CCSER1: variants seen among roughly 807,000 people sequenced by gnomAD.
The protein encoded by CCSER1 is coiled-coil serine rich protein 1.
CCSER1 carries 41 observed loss-of-function variants against 82.0 expected under a neutral mutation model. The observed-to-expected ratio is 0.50, with a 90% CI of 0.39 to 0.65. The LOEUF is 0.65. Ranked by LOEUF, CCSER1 falls within the 30% of genes least tolerant of loss-of-function variation. The pLI, the probability that CCSER1 is intolerant of heterozygous loss-of-function variation, is 0.00. For missense variants in CCSER1, 1,119 were observed against 1,064.2 expected (o/e 1.05, Z -0.72); for synonymous variants, 414 against 383.9 (o/e 1.08, Z -0.92).
intron 1 of CCSER1, among the ~76,000 whole-genome samples, chr4:90,287,636 T>G (rs1327114974): frequency 6.6e-6 from 1 of 151,942 alleles, no homozygotes; most frequent in Non-Finnish European, 1.5e-5. Flanking sequence ...CATTTAAAAA[T>G]AAACTAACAT....
At chr4:90,520,989 C>T (rs1773037093) in intron 5 of CCSER1, among the ~76,000 whole-genome samples, 2 of 152,150 alleles carry the variant, frequency 1.3e-5, no homozygotes, top group Admixed American at 1.3e-4. Flanking sequence ...GAATATGAAA[C>T]ATCCAAGCTA....
At chr4:90,682,404 G>T (rs897571549) in intron 6 of CCSER1, among the ~76,000 whole-genome samples, 2 of 151,880 alleles carry the variant, frequency 1.3e-5, no homozygotes, top group South Asian at 2.1e-4. Flanking sequence ...TCATGGCCTG[G>T]TGAATGCTTT....
At chr4:90,784,574 A>G (rs1754220142) in intron 7 of CCSER1, among the ~76,000 whole-genome samples, 1 of 152,134 alleles carries the variant, frequency 6.6e-6, no homozygotes, top group Admixed American at 6.5e-5. Context: ...GATTTAGAAA[A>G]AATTTACTTC....
chr4:90,446,649 A>C (rs1310775112), intron 4 of CCSER1, among the ~76,000 whole-genome samples: 1 of 152,184 alleles, frequency 6.6e-6, no homozygotes, highest in African/African-American at 2.4e-5. Context: ...GAAATCTCTT[A>C]AGGAAAAATA....
Position 90,308,829 on chromosome 4 carries a change from C to G in CCSER1, c.545C>G (p.Pro182Arg). 6.2e-7 allele frequency: 1 copy of G among 1,613,746 alleles called. No individual in the cohort carries two copies. Among genetic ancestry groups the G allele is most frequent in the Non-Finnish European group, 8.5e-7 (1 of 1,179,816 alleles). The part of the protein sequence containing the change: ...SVKQSTRKLL[P>R]KSFSSHYKFS... ...AAGCAGTCAACAAGGAAGCTACTCC[C>G]TAAATCTTTTTCATCTCACTATAAA... is the stretch of plus-strand genomic sequence containing the variant. Residue 182 changes from proline (P) to arginine (R), a missense_variant, in exon 2 of 11, where the codon CCT becomes CGT. Physicochemically the swap from Pro to Arg is moderately radical, Grantham distance 103. Transcript: ENST00000509176.
At chr4:91,071,638 T>C (rs1203636379) in intron 9 of CCSER1, among the ~76,000 whole-genome samples, 1 of 152,176 alleles carries the variant, frequency 6.6e-6, no homozygotes, top group Non-Finnish European at 1.5e-5. Context: ...TCTTTTTACC[T>C]ATTTGAGTGC....
chr4:91,562,619 T>G (rs1385357591), intron 10 of CCSER1, among the ~76,000 whole-genome samples: 1 of 151,584 alleles, frequency 6.6e-6, no homozygotes, highest in Non-Finnish European at 1.5e-5. Flanking sequence ...AGACTCTATA[T>G]GCTGATGGCC....
intron 1 of CCSER1, among the ~76,000 whole-genome samples, chr4:90,209,847 A>G (rs1739621520): frequency 6.6e-6 from 1 of 150,726 alleles, no homozygotes; most frequent in Non-Finnish European, 1.5e-5. Context: ...TTTATCAATC[A>G]TTGTTAAAGG....
intron 4 of CCSER1, among the ~76,000 whole-genome samples, chr4:90,406,312 C>A (rs780865276): frequency 9.2e-5 from 14 of 152,198 alleles, no homozygotes; most frequent in Non-Finnish European, 1.9e-4. Flanking sequence ...GAAAATATTG[C>A]AGTTCTAAAT....
rs111503746 is a variant in CCSER1 at position 90,819,994 on chromosome 4, A to G, written c.2094+4149A>G. Among the ~76,000 whole-genome samples, 695 of 152,352 alleles carry G rather than the reference A, an allele frequency of 4.6e-3. 4 individuals carry two copies. Among genetic ancestry groups the G allele is most frequent in the African/African-American group, 0.016 (658 of 41,590 alleles). On this transcript the variant is annotated intron_variant, in intron 8 of 10. Transcript: ENST00000509176. ...CAGTATGGTAAACAGAGAGGAAACT[A>G]GTTCACAGCATGGAACATCTACTCC...
In CCSER1 at chr4:90,871,623, A is replaced by G. The variant is rs371039095; in HGVS notation, c.2095-51747A>G. 4.6e-5 allele frequency among the ~76,000 whole-genome samples: 7 copies of G among 151,876 alleles called. 1 individual carries two copies. In the East Asian group the frequency reaches 7.7e-4, roughly 17 times the overall value. On this transcript the variant is annotated intron_variant, in intron 8 of 10. Transcript: ENST00000509176. ...GAGAATTATCCATGTGCCAAGGAAA[A>G]TAATGTGTATTCTGCAACCATTGGA... is the stretch of plus-strand genomic sequence containing the variant.
At chr4:91,344,974 T>C (rs1162904203) in intron 10 of CCSER1, among the ~76,000 whole-genome samples, 1 of 152,186 alleles carries the variant, frequency 6.6e-6, no homozygotes, top group Non-Finnish European at 1.5e-5. Context: ...TAGAAAATAT[T>C]AATTAACAAT....
At chr4:90,375,755 G>A (rs1354037352) in intron 3 of CCSER1, among the ~76,000 whole-genome samples, 1 of 152,166 alleles carries the variant, frequency 6.6e-6, no homozygotes, top group Non-Finnish European at 1.5e-5. Context: ...TCCACATGCT[G>A]ATTTCAGTAG....
intron 5 of CCSER1, among the ~76,000 whole-genome samples, chr4:90,536,081 G>A (rs1262059026): frequency 7.5e-6 from 1 of 132,462 alleles, no homozygotes; most frequent in Non-Finnish European, 1.5e-5. Context: ...CGCCCAGGCT[G>A]GAGTGCAGTG....
intron 1 of CCSER1, among the ~76,000 whole-genome samples, chr4:90,244,351 A>G (rs1216924337): frequency 1.3e-5 from 2 of 152,210 alleles, no homozygotes; most frequent in Non-Finnish European, 2.9e-5. Flanking sequence ...TCTCATCAGT[A>G]AGTGCCCTGA....
intron 7 of CCSER1, among the ~76,000 whole-genome samples, chr4:90,785,601 A>G (rs547358808): frequency 3.3e-5 from 5 of 152,322 alleles, no homozygotes; most frequent in African/African-American, 7.2e-5. Context: ...CGAGCAAAAT[A>G]ATTTGACAAT....
intron 10 of CCSER1, among the ~76,000 whole-genome samples, chr4:91,131,100 G>A (rs1160213618): frequency 2.0e-5 from 3 of 151,758 alleles, no homozygotes; most frequent in Non-Finnish European, 2.9e-5. Context: ...AGAGAAAACA[G>A]TGTTCCAGAG....
chr4:90,342,462 C>G (rs1271408476), intron 3 of CCSER1, among the ~76,000 whole-genome samples: 1 of 152,182 alleles, frequency 6.6e-6, no homozygotes, highest in African/African-American at 2.4e-5. Context: ...GCCTACCTTT[C>G]TTTTCACAGA....
At chr4:90,495,998 T>C (rs1393911169) in intron 5 of CCSER1, among the ~76,000 whole-genome samples, 4 of 152,220 alleles carry the variant, frequency 2.6e-5, no homozygotes, top group African/African-American at 9.6e-5. Flanking sequence ...TGCAAAAATC[T>C]TTTTATTATG....
Sources: allele counts gnomAD v4.1 joint callset (sites outside exome capture counted in the v4.1 genomes callset), GRCh38; gene constraint gnomAD v4.1.1; transcripts MANE v1.5; gene names NCBI Gene and HGNC (gene_info 2026-07-23, HGNC 2026-07-21).